DCAF8: variants seen among roughly 807,000 people sequenced by gnomAD.
DCAF8 encodes the protein DDB1- and CUL4-associated factor 8.
In DCAF8, 20 loss-of-function variants were observed where a neutral mutation model predicts 68.0. The ratio of observed to expected loss-of-function variants is 0.29; its 90% CI spans 0.21 to 0.43. The LOEUF (loss-of-function observed/expected upper bound fraction) is 0.43. Among genes scored for constraint, DCAF8 ranks in the 20% least tolerant of loss-of-function variants. The pLI, the probability that DCAF8 is intolerant of heterozygous loss-of-function variation, is 1.00. For synonymous variants in DCAF8, 230 were observed against 276.9 expected, an observed-to-expected ratio of 0.83 and a Z score of 1.68; for missense variants, 460 against 771.0, an observed-to-expected ratio of 0.60 and a Z score of 4.78.
rs1158156943 is a variant in DCAF8, at chr1:160,222,732, A to G, written c.1359T>C (p.Gly453=). ...YGPKSEFVVS[G]SDCGHIFLWE... ...AGAGGAAGATGTGCCCACAGTCACT[A>G]CCGCTCACCACAAACTCACTCTTGG... is the stretch of plus-strand genomic sequence containing the variant. Residue 453 remains glycine (G), a synonymous_variant, in exon 11 of 14, where the codon GGT becomes GGC. Transcript: ENST00000368074. The G allele has an allele frequency of 6.2e-7, 1 of 1,614,152 alleles. No individual in the cohort carries two copies. Among genetic ancestry groups the G allele is most frequent in the East Asian group, 2.2e-5 (1 of 44,886 alleles).
intron 5 of DCAF8, among the ~76,000 whole-genome samples, chr1:160,237,530 A>C (rs1166180359): frequency 6.6e-6 from 1 of 151,742 alleles, no homozygotes; most frequent in African/African-American, 2.4e-5. Context: ...ATTAGAGTTC[A>C]TTTTCTTTTT....
At chr1:160,239,560 G>T (rs765023956) in intron 4 of DCAF8, 137 bp downstream of exon 4, 10 of 1,583,320 alleles carry the variant, frequency 6.3e-6, no homozygotes, top group South Asian at 5.7e-5. Context: ...TAGGTCATTA[G>T]GGGAGCCAAA....
chr1:160,224,404 C>T (rs763596264), intron 10 of DCAF8, 38 bp downstream of exon 10: 2 of 1,515,982 alleles, frequency 1.3e-6, no homozygotes, highest in Admixed American at 1.7e-5. Context: ...CCAAAGCCAA[C>T]AGGCTTGGGC....
At chr1:160,251,565 C>A (rs1656595038) in intron 2 of DCAF8, among the ~76,000 whole-genome samples, 1 of 152,000 alleles carries the variant, frequency 6.6e-6, no homozygotes, top group Non-Finnish European at 1.5e-5. Flanking sequence ...CTCGATCTCC[C>A]AGGCTCAAGT....
chr1:160,262,104 C>CACCAGGGCTGACCTGAGGAAAGGGCA, intron 1 of DCAF8: 1 of 377,666 alleles, frequency 2.6e-6, no homozygotes, highest in East Asian at 3.8e-5. Context: ...TTGGGGGCAA[C>CACCAGGGCTGACCTGAGGAAAGGGCA]ACCAGGGCTG....
At chr1:160,232,833 A>T (rs1001235424) in intron 6 of DCAF8, among the ~76,000 whole-genome samples, 5 of 152,134 alleles carry the variant, frequency 3.3e-5, no homozygotes, top group African/African-American at 7.2e-5. Flanking sequence ...GTAAAAAAAT[A>T]AAAAACCCAG....
intron 3 of DCAF8, among the ~76,000 whole-genome samples, chr1:160,242,264 T>G (rs1340107303): frequency 2.8e-5 from 4 of 144,790 alleles, no homozygotes; most frequent in African/African-American, 1.0e-4. Context: ...AAAAAAAGCC[T>G]CAACTAAGAG....
At chr1:160,241,691 A>G (rs1282230234) in intron 3 of DCAF8, among the ~76,000 whole-genome samples, 1 of 152,210 alleles carries the variant, frequency 6.6e-6, no homozygotes, top group East Asian at 1.9e-4. Context: ...CTTTCCTCAG[A>G]TGGCTATAAA....
chr1:160,225,748 G>C (rs1252642366), intron 7 of DCAF8, 85 bp from the exon 8 acceptor site: 1 of 1,076,828 alleles, frequency 9.3e-7, no homozygotes, highest in Non-Finnish European at 1.4e-6. Flanking sequence ...GCAGGAAACT[G>C]CCAGCTGGAT....
At chr1:160,240,527 G>A (rs141369018) in intron 3 of DCAF8, among the ~76,000 whole-genome samples, 157 bp from the exon 4 acceptor site, 31 of 152,230 alleles carry the variant, frequency 2.0e-4, no homozygotes, top group African/African-American at 7.2e-4. Flanking sequence ...CCCTCTGAGG[G>A]GAAATCTTGT....
intron 7 of DCAF8, 149 bp downstream of exon 7, chr1:160,231,148 G>A (rs867378621): frequency 3.4e-5 from 21 of 623,552 alleles, no homozygotes; most frequent in Middle Eastern, 5.4e-4. Flanking sequence ...CTCCAAAGGC[G>A]TGTAAGATTT....
chr1:160,238,849 A>T, intron 4 of DCAF8, 102 bp from the exon 5 acceptor site: 1 of 1,222,490 alleles, frequency 8.2e-7, no homozygotes, highest in Non-Finnish European at 1.1e-6. Flanking sequence ...CCCTTTTCTT[A>T]CATGACAGCT....
chr1:160,235,396 G>C (rs1488285504), intron 6 of DCAF8, among the ~76,000 whole-genome samples: 2 of 151,944 alleles, frequency 1.3e-5, no homozygotes, highest in Non-Finnish European at 2.9e-5. Context: ...TGGGGTTACA[G>C]GCATGAGCCA....
At chr1:160,222,325 G>A (rs1655328418) in intron 11 of DCAF8, among the ~76,000 whole-genome samples, 2 of 152,090 alleles carry the variant, frequency 1.3e-5, no homozygotes, top group African/African-American at 4.8e-5. Flanking sequence ...TGTGTAGGAG[G>A]GTACGCCCTG....
chr1:160,224,405 A>G (rs1414435144), intron 10 of DCAF8, 37 bp downstream of exon 10: 1 of 1,517,296 alleles, frequency 6.6e-7, no homozygotes, highest in Admixed American at 1.7e-5. Context: ...CAAAGCCAAC[A>G]GGCTTGGGCC....
intron 2 of DCAF8, among the ~76,000 whole-genome samples, chr1:160,255,158 G>A (rs990435065): frequency 2.0e-5 from 3 of 152,096 alleles, no homozygotes; most frequent in South Asian, 2.1e-4. Context: ...CCTTTCTGGC[G>A]TTTTAAAGAA....
At chr1:160,247,598 C>T (rs1237889815) in intron 2 of DCAF8, among the ~76,000 whole-genome samples, 3 of 152,122 alleles carry the variant, frequency 2.0e-5, no homozygotes, top group African/African-American at 7.2e-5. Flanking sequence ...AGAAGTGTTT[C>T]AAATTTTTAA....
rs113023280 is a variant in DCAF8, at chr1:160,258,615, C to CA, written c.-27+2669dup. Among the ~76,000 whole-genome samples the CA allele has an allele frequency of 9.8e-3, 1,427 of 146,310 alleles. 25 individuals carry two copies. The highest frequency in any genetic ancestry group is 0.032 in the African/African-American group (1,274 of 40,052). The stretch of plus-strand genomic sequence containing the variant: ...TCATCTCTTTAAAAAAACAAACAAA[C>CA]AAAAAAAAAACAACCAAAAATTAGC... On this transcript the variant is annotated intron_variant, in intron 2 of 13. Transcript: ENST00000368074.
chr1:160,227,532 C>G (rs1241071273), intron 7 of DCAF8, among the ~76,000 whole-genome samples: 1 of 152,150 alleles, frequency 6.6e-6, no homozygotes, highest in Non-Finnish European at 1.5e-5. Flanking sequence ...GCTGGGATTA[C>G]AGGTATAAGC....
Sources: gnomAD v4.1 joint callset for allele counts (sites outside exome capture counted in the v4.1 genomes callset) on GRCh38, gnomAD v4.1.1 for gene constraint, MANE v1.5 for transcripts, NCBI Gene and HGNC (gene_info 2026-07-23, HGNC 2026-07-21) for gene names.